RINT1: variants seen among roughly 807,000 people sequenced by gnomAD.
The protein encoded by RINT1 is RAD50-interacting protein 1.
RINT1 carries 75 observed loss-of-function variants against 97.7 expected under a neutral mutation model. The observed-to-expected ratio is 0.77, with a 90% CI of 0.64 to 0.93. The LOEUF is 0.93. RINT1 is among the 40% of genes least tolerant of loss of function. The pLI, the probability that RINT1 is intolerant of heterozygous loss-of-function variation, is 0.00. For synonymous variants in RINT1, 303 were observed against 326.3 expected, an observed-to-expected ratio of 0.93 and a Z score of 0.77; for missense variants, 892 against 925.2, an observed-to-expected ratio of 0.96 and a Z score of 0.47.
At position 105,532,280 on chromosome 7, in the gene RINT1, G is replaced by T. The variant is rs754180010; in HGVS notation, c.-36G>T. 156 of 1,558,270 alleles carry T rather than the reference G, an allele frequency of 1.0e-4. No homozygotes were observed. The highest frequency in any genetic ancestry group is 1.8e-4 in the Middle Eastern group (1 of 5,536). On this transcript the variant is annotated 5_prime_UTR_variant, in exon 1 of 15. Transcript: ENST00000257700. ...TAGCCAGACTCCACAGGCCACGCTG[G>T]CTGCGAATGGAGCCGAGGACTCGCG...
Position 105,547,293 on chromosome 7 carries a change from C to G in RINT1, c.799C>G (p.Leu267Val). 6.2e-7 allele frequency: 1 copy of G among 1,614,178 alleles called. No homozygotes were observed. Among genetic ancestry groups the G allele is most frequent in the South Asian group, 1.1e-5 (1 of 91,082 alleles). The change falls in exon 6 of 15, where the codon CTG (leucine) becomes GTG (valine). Residue 267 changes from leucine (L) to valine (V), a missense_variant. Coordinates refer to ENST00000257700, the MANE Select transcript of RINT1 (RefSeq NM_021930.6). ...PASAPEIYSY[L>V]ETLFCQLLKL... ...CAGTGCCCCGGAGATATACAGTTACCTGGAGACACTGTTTTGTCAGCTTTT... is the reference window on the plus strand; with the variant it reads ...CAGTGCCCCGGAGATATACAGTTACGTGGAGACACTGTTTTGTCAGCTTTT...
In RINT1 at chr7:105,536,536, G is replaced by A. The variant is rs370320501; in HGVS notation, c.89-29G>A. 124 of 1,465,064 alleles carry A rather than the reference G, an allele frequency of 8.5e-5. 1 individual carries two copies. Among genetic ancestry groups the A allele is most frequent in the Admixed American group, 1.0e-4 (5 of 49,482 alleles). 90.8% of individuals were successfully genotyped at this position (1,465,064 alleles called of 1,614,324 possible). On this transcript the variant is annotated intron_variant, in intron 2 of 14. Coordinates refer to ENST00000257700, the MANE Select transcript of RINT1 (RefSeq NM_021930.6). ...CTTTAACTCCATAGTACTTAGTGGC[G>A]TTGAGTAATTGTTATTCTTTTGTTG...
In RINT1 at chr7:105,532,880, T is replaced by C. The variant is rs1790089807; in HGVS notation, c.88+11T>C. On this transcript the variant is annotated intron_variant, in intron 2 of 14. Coordinates refer to ENST00000257700, the MANE Select transcript of RINT1 (RefSeq NM_021930.6). ...ACCTCGAGGAGAAAAGTAAGCCAGC[T>C]CCAAACACCTTAGCTTTTTCTTCCC... The C allele has an allele frequency of 6.2e-7, 1 of 1,613,796 alleles. No individual in the cohort carries two copies. Among genetic ancestry groups the C allele is most frequent in the Non-Finnish European group, 8.5e-7 (1 of 1,179,674 alleles).
At chr7:105,564,310 C>T (rs1423001323) in intron 12 of RINT1, among the ~76,000 whole-genome samples, 1 of 152,178 alleles carries the variant, frequency 6.6e-6, no homozygotes, top group East Asian at 1.9e-4. Flanking sequence ...TGATCTCCAA[C>T]TCCTGACCTC....
chr7:105,532,645 G>A (rs1401226616), intron 1 of RINT1, among the ~76,000 whole-genome samples, 179 bp from the exon 2 acceptor site: 1 of 152,050 alleles, frequency 6.6e-6, no homozygotes, highest in Non-Finnish European at 1.5e-5. Context: ...TGGGAAGGTG[G>A]CGGTGGCACC....
chr7:105,537,136 T>A (rs2133359399), intron 3 of RINT1, among the ~76,000 whole-genome samples: 1 of 151,348 alleles, frequency 6.6e-6, no homozygotes, highest in African/African-American at 2.4e-5. Flanking sequence ...TTTTTTTTTT[T>A]TTTTTTTTTT....
chr7:105,563,377 T>C (rs898194701), intron 11 of RINT1, among the ~76,000 whole-genome samples: 3 of 152,202 alleles, frequency 2.0e-5, no homozygotes, highest in African/African-American at 7.2e-5. Flanking sequence ...ATTATTAGTT[T>C]TGAGATGGAG....
At position 105,559,540 on chromosome 7, in the gene RINT1, CAAAAAAAAAAAAA is replaced by C. The variant is rs60718751; in HGVS notation, c.1672-4177_1672-4165del. 6.9e-3 allele frequency among the ~76,000 whole-genome samples: 405 copies of C among 59,090 alleles called. 3 individuals carry two copies. The highest frequency in any genetic ancestry group is 0.023 in the African/African-American group (368 of 15,816). 38.8% of individuals were successfully genotyped at this position (59,090 alleles called of 152,430 possible). ...TGGGTGAGAGAGCAAGACTCTGTCT[CAAAAAAAAAAAAA>C]AAAAAAAAAAAAAAAGAAAAAGCCA... On this transcript the variant is annotated intron_variant, in intron 11 of 14. Transcript: ENST00000257700.
chr7:105,541,378 C>A (rs2133369980), intron 3 of RINT1, among the ~76,000 whole-genome samples: 1 of 151,662 alleles, frequency 6.6e-6, no homozygotes, highest in East Asian at 2.0e-4. Flanking sequence ...CTCAAATGAT[C>A]CGCCTGTCTT....
chr7:105,542,671 T>C, intron 4 of RINT1, 22 bp downstream of exon 4: 2 of 1,608,126 alleles, frequency 1.2e-6, no homozygotes, highest in Non-Finnish European at 1.7e-6. Flanking sequence ...CTCTTTGTTC[T>C]CACAATTACT....
intron 3 of RINT1, among the ~76,000 whole-genome samples, chr7:105,537,965 G>T (rs933088063): frequency 2.0e-5 from 3 of 152,014 alleles, no homozygotes; most frequent in African/African-American, 7.2e-5. Context: ...CCTCTACTTG[G>T]CAATGGTGTG....
At chr7:105,533,076 TTCCC>T (rs1306742903) in intron 2 of RINT1, among the ~76,000 whole-genome samples, 1 of 152,228 alleles carries the variant, frequency 6.6e-6, no homozygotes, top group African/African-American at 2.4e-5. Flanking sequence ...AGAAGAGCAC[TTCCC>T]GATCCATACC....
chr7:105,533,315 T>C (rs1803607122), intron 2 of RINT1, among the ~76,000 whole-genome samples: 1 of 152,190 alleles, frequency 6.6e-6, no homozygotes, highest in Admixed American at 6.6e-5. Context: ...AAAATTGCTC[T>C]GGCAAGAGCA....
chr7:105,554,878 A>G (rs527406395), intron 10 of RINT1, 150 bp from the exon 11 acceptor site: 3 of 622,800 alleles, frequency 4.8e-6, no homozygotes, highest in East Asian at 5.5e-5. Flanking sequence ...TGAAACTCAC[A>G]TCCTTAAGAG....
chr7:105,566,142 G>A (rs749454732), intron 14 of RINT1, among the ~76,000 whole-genome samples: 3 of 151,480 alleles, frequency 2.0e-5, no homozygotes, highest in African/African-American at 7.3e-5. Context: ...GCCAGGCCTG[G>A]TGGCGGGCAC....
At position 105,547,253 on chromosome 7, in the gene RINT1, C is replaced by T. The variant is rs2133387721; in HGVS notation, c.759C>T (p.Gly253=). ...CACCCCCTCAATCACAAACTGTTGG[C>T]TTAAGTCGACCTGCCAGTGCCCCGG... is the stretch of plus-strand genomic sequence containing the variant. ...FIAPPQSQTV[G]LSRPASAPEI... The change falls in exon 6 of 15, where the codon GGC becomes GGT. Residue 253 remains glycine (G), a synonymous_variant. Transcript: ENST00000257700. 6.2e-7 allele frequency: 1 copy of T among 1,614,200 alleles called. No individual in the cohort carries two copies. Among genetic ancestry groups the T allele is most frequent in the Non-Finnish European group, 8.5e-7 (1 of 1,180,038 alleles).
At chr7:105,551,440 A>T in intron 9 of RINT1, 130 bp from the exon 10 acceptor site, 1 of 726,096 alleles carries the variant, frequency 1.4e-6, no homozygotes, top group Non-Finnish European at 2.1e-6. Context: ...TAAATTTAGT[A>T]CAACCAGTGG....
chr7:105,532,420 C>T (rs1000116941), intron 1 of RINT1, 63 bp downstream of exon 1: 23 of 1,534,306 alleles, frequency 1.5e-5, no homozygotes, highest in Admixed American at 1.9e-5. Flanking sequence ...GCACAGACCT[C>T]CCGGGGGAGA....
At position 105,556,630 on chromosome 7, in the gene RINT1, A is replaced by G. The variant is rs1791193756; in HGVS notation, c.1671+1403A>G. Among the ~76,000 whole-genome samples the G allele has an allele frequency of 3.3e-5, 5 of 152,058 alleles. 1 individual carries two copies. Among genetic ancestry groups the G allele is most frequent in the Admixed American group, 2.6e-4 (4 of 15,240 alleles). On this transcript the variant is annotated intron_variant, in intron 11 of 14. Transcript: ENST00000257700. ...AAAACCTTGGGTCCAGTTAACAAAT[A>G]CCATAAGGCCTTTTCCCTCCAGATT...
Sources: gnomAD v4.1 joint callset for allele counts (sites outside exome capture counted in the v4.1 genomes callset) on GRCh38, gnomAD v4.1.1 for gene constraint, MANE v1.5 for transcripts, NCBI Gene and HGNC (gene_info 2026-07-23, HGNC 2026-07-21) for gene names.